The following HMCN1 variants were observed in gnomAD, a reference collection of about 807,000 sequenced individuals.
The protein encoded by HMCN1 is hemicentin 1.
Under a neutral mutation model 625.9 loss-of-function variants are expected in HMCN1, and 321 were observed. The observed-to-expected ratio is 0.51, with a 90% CI of 0.47 to 0.56. HMCN1 has a LOEUF of 0.56. HMCN1 is among the 20% of genes least tolerant of loss of function. HMCN1 has a pLI of 0.00. For synonymous variants in HMCN1, 2,425 were observed against 2,417.6 expected (o/e 1.00, Z -0.09); for missense variants, 6,588 against 6,887.3 (o/e 0.96, Z 1.54).
At chr1:186,132,438 A>AG in intron 86 of HMCN1, 29 bp downstream of exon 86, 1 of 1,519,974 alleles carries the variant, frequency 6.6e-7, no homozygotes, top group Non-Finnish European at 9.1e-7. Flanking sequence ...CTAATTAAAC[A>AG]CTTGATTTAG....
rs1390891272 is a variant in HMCN1, at chr1:186,128,172, T to C, written c.12785T>C (p.Phe4262Ser). The change falls in exon 83 of 107, where the codon TTT becomes TCT. Residue 4262 changes from phenylalanine to serine, a missense_variant. Physicochemically the swap from Phe to Ser is radical, Grantham distance 155. Coordinates refer to ENST00000271588, the MANE Select transcript of HMCN1 (RefSeq NM_031935.3). Reference protein sequence around the residue: ...VSLTVHVLPTFTELPGDVSLN... With the variant: ...VSLTVHVLPTSTELPGDVSLN... ...CTGACTGTGCATGTTCTCCCCACTT[T>C]TACTGAACTTCCTGGAGACGTGTCA... 6.2e-7 allele frequency: 1 copy of C among 1,613,740 alleles called. No homozygotes were observed. The highest frequency in any genetic ancestry group is 1.1e-5 in the South Asian group (1 of 91,068).
chr1:185,764,445 G>A (rs1162993155), intron 1 of HMCN1, among the ~76,000 whole-genome samples: 6 of 152,098 alleles, frequency 3.9e-5, no homozygotes, highest in Non-Finnish European at 5.9e-5. Context: ...TTTAGGAAGA[G>A]TTGGATTATT....
chr1:186,078,989 G>A (rs1658999524), intron 55 of HMCN1, among the ~76,000 whole-genome samples: 1 of 152,226 alleles, frequency 6.6e-6, no homozygotes, highest in Non-Finnish European at 1.5e-5. Flanking sequence ...GTCAAGGACA[G>A]TGAAGGAATA....
intron 42 of HMCN1, among the ~76,000 whole-genome samples, chr1:186,049,890 A>G (rs781452864): frequency 2.6e-5 from 4 of 151,906 alleles, no homozygotes; most frequent in African/African-American, 4.8e-5. Context: ...AAATGCTATT[A>G]TACACCCTGT....
At chr1:185,824,680 A>G (rs967170153) in intron 1 of HMCN1, among the ~76,000 whole-genome samples, 2 of 152,182 alleles carry the variant, frequency 1.3e-5, no homozygotes, top group Non-Finnish European at 2.9e-5. Flanking sequence ...ATTACTTTAC[A>G]TACTCTGTAC....
chr1:185,789,620 A>C (rs948627260), intron 1 of HMCN1, among the ~76,000 whole-genome samples: 1 of 152,204 alleles, frequency 6.6e-6, no homozygotes, highest in Non-Finnish European at 1.5e-5. Flanking sequence ...TGAATGACAT[A>C]TGACATATGA....
intron 1 of HMCN1, among the ~76,000 whole-genome samples, chr1:185,779,196 T>G (rs1476003774): frequency 6.6e-6 from 1 of 152,226 alleles, no homozygotes; most frequent in Non-Finnish European, 1.5e-5. Context: ...TGGGGTTGTT[T>G]GTTTTTTTCT....
chr1:185,948,771 G>A (rs1668480217), intron 11 of HMCN1, among the ~76,000 whole-genome samples: 1 of 151,632 alleles, frequency 6.6e-6, no homozygotes, highest in Non-Finnish European at 1.5e-5. Flanking sequence ...AAACAAAATA[G>A]TGTTGAAGTG....
chr1:185,805,812 C>T (rs541518418), intron 1 of HMCN1, among the ~76,000 whole-genome samples: 3 of 152,240 alleles, frequency 2.0e-5, no homozygotes, highest in East Asian at 3.9e-4. Flanking sequence ...AGCCTTGTGT[C>T]CTGCTCCTAT....
Position 185,962,623 on chromosome 1 carries a change from G to A in HMCN1, c.1934G>A (p.Trp645Ter). 1 of 1,590,186 alleles carries A rather than the reference G, an allele frequency of 6.3e-7. No homozygotes were observed. The highest frequency in any genetic ancestry group is 8.6e-7 in the Non-Finnish European group (1 of 1,158,278). The change falls in exon 12 of 107, where the codon TGG becomes TAG. Residue 645 changes from tryptophan to a stop codon, truncating the protein, a stop_gained. Coordinates refer to ENST00000271588, the MANE Select transcript of HMCN1 (RefSeq NM_031935.3). LOFTEE classifies it high-confidence loss of function. Reference protein sequence around the residue: ...ATGYPKPKIAWTVNDMFIVGS... With the variant: ...ATGYPKPKIA ...GGTTATCCCAAACCAAAGATTGCCT[G>A]GACCGTTAACGATATGTTTATCGTG...
chr1:185,890,042 A>G (rs564051125), intron 4 of HMCN1, among the ~76,000 whole-genome samples: 68 of 151,344 alleles, frequency 4.5e-4, no homozygotes, highest in African/African-American at 1.6e-3. Context: ...GTCTTGGGAG[A>G]GTGTATGTGT....
intron 1 of HMCN1, among the ~76,000 whole-genome samples, chr1:185,771,626 A>T (rs1656247435): frequency 6.6e-6 from 1 of 152,190 alleles, no homozygotes; most frequent in African/African-American, 2.4e-5. Flanking sequence ...CACTTATTAG[A>T]GATAAATACA....
At chr1:185,751,165 C>T (rs1654789097) in intron 1 of HMCN1, among the ~76,000 whole-genome samples, 1 of 152,102 alleles carries the variant, frequency 6.6e-6, no homozygotes. Context: ...CCCCACCAAC[C>T]CTATGCATTC....
chr1:185,865,628 C>G, intron 3 of HMCN1, 113 bp from the exon 4 acceptor site: 1 of 689,210 alleles, frequency 1.5e-6, no homozygotes, highest in Non-Finnish European at 2.5e-6. Context: ...CACACACACA[C>G]ACATTCACAT....
intron 4 of HMCN1, among the ~76,000 whole-genome samples, chr1:185,878,537 T>C (rs992203536): frequency 6.6e-6 from 1 of 152,186 alleles, no homozygotes; most frequent in African/African-American, 2.4e-5. Context: ...TTTATGTATT[T>C]AGTGATTTGT....
chr1:186,014,611 C>T (rs916709959), intron 30 of HMCN1, among the ~76,000 whole-genome samples: 4 of 151,932 alleles, frequency 2.6e-5, no homozygotes, highest in Admixed American at 6.6e-5. Flanking sequence ...AGGAGATATA[C>T]ATGTAGACAA....
intron 1 of HMCN1, among the ~76,000 whole-genome samples, chr1:185,788,567 G>T (rs947490211): frequency 6.6e-6 from 1 of 152,134 alleles, no homozygotes; most frequent in East Asian, 1.9e-4. Flanking sequence ...CCTAGAGGGG[G>T]TTTTTACAGG....
intron 1 of HMCN1, among the ~76,000 whole-genome samples, chr1:185,785,258 A>C (rs1461504540): frequency 6.6e-6 from 1 of 152,102 alleles, no homozygotes; most frequent in Admixed American, 6.5e-5. Context: ...ATTAGTGGAA[A>C]ATTTGGGATT....
At chr1:185,859,889 G>A (rs1044382704) in intron 2 of HMCN1, among the ~76,000 whole-genome samples, 16 of 151,692 alleles carry the variant, frequency 1.1e-4, no homozygotes, top group Admixed American at 6.6e-4. Flanking sequence ...CAGCCTGGTC[G>A]CGAACTCCTG....
Sources: allele counts gnomAD v4.1 joint callset (sites outside exome capture counted in the v4.1 genomes callset), GRCh38; gene constraint gnomAD v4.1.1; transcripts MANE v1.5; gene names NCBI Gene and HGNC (gene_info 2026-07-23, HGNC 2026-07-21).